The following CNGA3 variants were observed in gnomAD, a reference collection of about 807,000 sequenced individuals.
CNGA3 encodes cyclic nucleotide-gated channel alpha-3.
Under a neutral mutation model 46.6 loss-of-function variants are expected in CNGA3, and 42 were observed. The observed-to-expected ratio is 0.90, with a 90% CI of 0.70 to 1.17. CNGA3 has a LOEUF of 1.17. Ranked by LOEUF, CNGA3 falls within the 50% of genes most tolerant of loss-of-function variation. The pLI is 0.00. For synonymous variants in CNGA3, 394 were observed against 369.4 expected (o/e 1.07, Z -0.76); for missense variants, 893 against 890.7 (o/e 1.00, Z -0.03).
chr2:98,391,215 T>C (rs940083503), intron 6 of CNGA3, among the ~76,000 whole-genome samples: 1 of 152,190 alleles, frequency 6.6e-6, no homozygotes, highest in Non-Finnish European at 1.5e-5. Context: ...CTGGAAGAAC[T>C]TGGAGCCTGT....
At chr2:98,390,461 C>T (rs1338292299) in intron 6 of CNGA3, among the ~76,000 whole-genome samples, 1 of 152,054 alleles carries the variant, frequency 6.6e-6, no homozygotes, top group Admixed American at 6.5e-5. Flanking sequence ...TACTACTCTT[C>T]TAATAAGCAG....
intron 1 of CNGA3, among the ~76,000 whole-genome samples, chr2:98,366,602 G>A (rs917417612): frequency 7.2e-5 from 11 of 152,130 alleles, no homozygotes; most frequent in African/African-American, 2.4e-4. Flanking sequence ...AAATTCCAGC[G>A]GGGAGGCCCT....
intron 3 of CNGA3, chr2:98,378,272 G>C: frequency 6.6e-7 from 1 of 1,504,188 alleles, no homozygotes; most frequent in Non-Finnish European, 8.9e-7. Context: ...GAGACTCCAA[G>C]CTCTGCTTCC....
rs1692580713 is a variant in CNGA3 at position 98,383,401 on chromosome 2, GCC to G, written c.410_411del (p.Ala137GlufsTer5). 1.2e-6 allele frequency: 2 copies of G among 1,614,008 alleles called. No homozygotes were observed. The highest frequency in any genetic ancestry group is 2.7e-5 in the African/African-American group (2 of 74,882). On this transcript the variant is annotated frameshift_variant, in exon 5 of 8. Coordinates refer to ENST00000272602, the MANE Select transcript of CNGA3 (RefSeq NM_001298.3). LOFTEE classifies it high-confidence loss of function. ...ACCTTCCCGCAGCGCCTGGCCCCTG[GCC>G]AAATGCAACACTAACACCAGCAACA... ...ADRGRSAWPL[A>X]KCNTNTSNNT...
At chr2:98,393,319 C>T (rs1008496720) in intron 7 of CNGA3, among the ~76,000 whole-genome samples, 4 of 152,204 alleles carry the variant, frequency 2.6e-5, no homozygotes, top group African/African-American at 7.2e-5. Flanking sequence ...TGTGGCTCCA[C>T]GTACAATACA....
chr2:98,367,185 CTTTTTTT>C (rs558997785), intron 1 of CNGA3, among the ~76,000 whole-genome samples: 3 of 95,204 alleles, frequency 3.2e-5, no homozygotes, highest in Non-Finnish European at 4.1e-5. Context: ...TCTTTTTTTT[CTTTTTTT>C]TTTTTTTTTA....
intron 5 of CNGA3, among the ~76,000 whole-genome samples, chr2:98,387,071 G>A (rs1384977395): frequency 1.3e-5 from 2 of 152,196 alleles, no homozygotes; most frequent in East Asian, 1.9e-4. Flanking sequence ...AACTGATCCA[G>A]CTATTACGGT....
chr2:98,381,330 G>A (rs1692533129), intron 4 of CNGA3, among the ~76,000 whole-genome samples: 1 of 152,140 alleles, frequency 6.6e-6, no homozygotes, highest in Non-Finnish European at 1.5e-5. Context: ...CATGATGGCT[G>A]CAGAACAGAC....
chr2:98,359,699 G>T (rs967557573), intron 1 of CNGA3, among the ~76,000 whole-genome samples: 2 of 152,162 alleles, frequency 1.3e-5, no homozygotes, highest in African/African-American at 4.8e-5. Context: ...AAGGGGCCTT[G>T]CACAGGAGGC....
At chr2:98,374,819 G>C (rs1049135012) in intron 2 of CNGA3, among the ~76,000 whole-genome samples, 1 of 152,262 alleles carries the variant, frequency 6.6e-6, no homozygotes, top group African/African-American at 2.4e-5. Flanking sequence ...GCAACGCATA[G>C]GGAAAAAATG....
chr2:98,347,430 G>A (rs929784853), intron 1 of CNGA3, among the ~76,000 whole-genome samples: 2 of 152,190 alleles, frequency 1.3e-5, no homozygotes, highest in Non-Finnish European at 2.9e-5. Context: ...TTGGCGCGCA[G>A]GCCCTCGCAG....
At position 98,380,065 on chromosome 2, in the gene CNGA3, C is replaced by T. The variant is rs531814148; in HGVS notation, c.216-110C>T. The T allele has an allele frequency of 5.2e-4, 688 of 1,320,146 alleles. 4 individuals are homozygous for T. The highest frequency in any genetic ancestry group is 9.5e-5 in the Non-Finnish European group (89 of 937,948). The allele number at this position is 1,320,146 out of a possible 1,614,324, so 81.8% of individuals were successfully genotyped here. A position where few individuals can be genotyped will look rare whatever the true frequency, so the allele number is the denominator to read the frequency against. ...GGTCATCATTGCTTCTGCCCCATCC[C>T]TTGAGACAGACAGAGAGGGAGGGAG... is the stretch of plus-strand genomic sequence containing the variant. On this transcript the variant is annotated intron_variant, in intron 3 of 7. Coordinates refer to ENST00000272602, the MANE Select transcript of CNGA3 (RefSeq NM_001298.3).
chr2:98,397,433 C>T lies in CNGA3; in HGVS notation c.*178C>T, dbSNP rs113687827. 1.4e-3 allele frequency: 932 copies of T among 684,022 alleles called. 1 individual carries two copies. Among genetic ancestry groups the T allele is most frequent in the Non-Finnish European group, 1.9e-3 (771 of 396,752 alleles). The allele number at this position is 684,022 out of a possible 1,614,324, so 42.4% of individuals were successfully genotyped here. On this transcript the variant is annotated 3_prime_UTR_variant, in exon 8 of 8. Coordinates refer to ENST00000272602, the MANE Select transcript of CNGA3 (RefSeq NM_001298.3). ...ACCTAAAAAATGGGACTTTTTGTCTCAGTCCCAGTGAAGTGCCAGGTTTGA... is the reference window on the plus strand; with the variant it reads ...ACCTAAAAAATGGGACTTTTTGTCTTAGTCCCAGTGAAGTGCCAGGTTTGA...
chr2:98,369,590 G>C (rs1425965614), intron 1 of CNGA3, among the ~76,000 whole-genome samples: 1 of 152,084 alleles, frequency 6.6e-6, no homozygotes, highest in East Asian at 1.9e-4. Flanking sequence ...GGGTCAAGAG[G>C]GACACTGCAT....
chr2:98,389,373 G>A (rs1692730310), intron 5 of CNGA3, among the ~76,000 whole-genome samples: 1 of 152,226 alleles, frequency 6.6e-6, no homozygotes, highest in Non-Finnish European at 1.5e-5. Context: ...CCTGAAGGGT[G>A]TGGATGTTGT....
chr2:98,368,604 C>T (rs537611654), intron 1 of CNGA3, among the ~76,000 whole-genome samples: 12 of 152,204 alleles, frequency 7.9e-5, no homozygotes, highest in Non-Finnish European at 1.6e-4. Flanking sequence ...AGGGGTTCAC[C>T]TTCCCCACTG....
intron 1 of CNGA3, among the ~76,000 whole-genome samples, chr2:98,368,762 T>C (rs1692219608): frequency 6.6e-6 from 1 of 152,292 alleles, no homozygotes; most frequent in South Asian, 2.1e-4. Flanking sequence ...AAGGATAATT[T>C]GTTGGGTAGG....
At chr2:98,351,478 C>T (rs1384935867) in intron 1 of CNGA3, among the ~76,000 whole-genome samples, 1 of 152,202 alleles carries the variant, frequency 6.6e-6, no homozygotes, top group African/African-American at 2.4e-5. Context: ...TAAGATGTGA[C>T]TGGCTCCTCC....
At chr2:98,372,441 TGACGTCTTGA>T (rs1692309415) in intron 2 of CNGA3, among the ~76,000 whole-genome samples, 1 of 152,162 alleles carries the variant, frequency 6.6e-6, no homozygotes, top group Non-Finnish European at 1.5e-5. Context: ...GGCTCTGAAC[TGACGTCTTGA>T]GATAATGCTA....
Sources: gnomAD v4.1 joint callset for allele counts (sites outside exome capture counted in the v4.1 genomes callset) on GRCh38, gnomAD v4.1.1 for gene constraint, MANE v1.5 for transcripts, NCBI Gene and HGNC (gene_info 2026-07-23, HGNC 2026-07-21) for gene names.